TTC6: variants seen among roughly 807,000 people sequenced by gnomAD.
TTC6 encodes the protein tetratricopeptide repeat protein 6.
Under a neutral mutation model 210.4 loss-of-function variants are expected in TTC6, and 172 were observed. That is an observed-to-expected ratio of 0.82 (90% CI 0.72 to 0.93). TTC6 has a LOEUF of 0.93. TTC6 is among the 40% of genes least tolerant of loss of function. The probability of loss-of-function intolerance (pLI) is 0.00; values close to 1 mark genes in which losing one functional copy is unlikely to be tolerated. For synonymous variants in TTC6, 804 were observed against 819.6 expected (o/e 0.98, Z 0.32); for missense variants, 2,414 against 2,318.1 (o/e 1.04, Z -0.85).
At chr14:37,734,181 C>T (rs1006222490) in intron 7 of TTC6, among the ~76,000 whole-genome samples, 5 of 152,078 alleles carry the variant, frequency 3.3e-5, no homozygotes, top group Admixed American at 6.6e-5. Context: ...AAAGTTGAGG[C>T]GTGAGTTTCT....
chr14:37,750,108 A>G (rs1170932308), intron 12 of TTC6, among the ~76,000 whole-genome samples: 2 of 152,200 alleles, frequency 1.3e-5, no homozygotes, highest in East Asian at 3.9e-4. Context: ...ACGAAAGAAT[A>G]TGAATTTAAA....
chr14:37,602,256 T>C (rs892961478), intron 1 of TTC6, among the ~76,000 whole-genome samples: 1 of 152,258 alleles, frequency 6.6e-6, no homozygotes, highest in Non-Finnish European at 1.5e-5. Flanking sequence ...TAATTGCCTC[T>C]CTGTCTTATA....
chr14:37,726,765 T>A (rs923745893), intron 7 of TTC6, among the ~76,000 whole-genome samples: 8 of 152,154 alleles, frequency 5.3e-5, no homozygotes, highest in Non-Finnish European at 8.8e-5. Context: ...TCTTTTCTAA[T>A]TCTTAGCTTA....
intron 26 of TTC6, among the ~76,000 whole-genome samples, chr14:37,818,034 AT>A (rs1353684042): frequency 6.6e-6 from 1 of 152,226 alleles, no homozygotes; most frequent in Non-Finnish European, 1.5e-5. Context: ...AAGTGGGACT[AT>A]TATAAAGTCT....
intron 3 of TTC6, among the ~76,000 whole-genome samples, chr14:37,685,134 A>G (rs953531745): frequency 6.6e-6 from 1 of 152,214 alleles, no homozygotes; most frequent in Non-Finnish European, 1.5e-5. Context: ...AAAGCCAATA[A>G]TAGGATGGTT....
At chr14:37,691,530 G>A (rs1030357254) in intron 3 of TTC6, among the ~76,000 whole-genome samples, 3 of 152,012 alleles carry the variant, frequency 2.0e-5, no homozygotes, top group African/African-American at 7.3e-5. Context: ...CAAAACCTGT[G>A]GATGCAACAA....
intron 23 of TTC6, among the ~76,000 whole-genome samples, chr14:37,807,922 G>A (rs1261375846): frequency 6.6e-6 from 1 of 151,900 alleles, no homozygotes; most frequent in Admixed American, 6.6e-5. Context: ...ATATTTTGCT[G>A]ACTGCATAAT....
intron 2 of TTC6, among the ~76,000 whole-genome samples, chr14:37,613,992 T>A (rs1341789206): frequency 1.3e-5 from 2 of 152,018 alleles, no homozygotes; most frequent in African/African-American, 4.8e-5. Context: ...CTTCCATTAG[T>A]TTGAGTATGC....
upstream of TTC6, among the ~76,000 whole-genome samples, chr14:37,619,665 A>T (rs2095648229): frequency 6.6e-6 from 1 of 151,232 alleles, no homozygotes; most frequent in Non-Finnish European, 1.5e-5. Flanking sequence ...CCTTTTTCTC[A>T]CTTTCTCAGT....
rs79923283 is a variant in TTC6 at position 37,817,939 on chromosome 14, G to C, written c.4763+288G>C. ...GAGTTCACCTGATCCAAGCATAGGT[G>C]CTGGGAAAGGATCGTGGCAATATGT... On this transcript the variant is annotated intron_variant, in intron 26 of 30. Transcript: ENST00000553443. Among the ~76,000 whole-genome samples the C allele has an allele frequency of 5.5e-3, 833 of 152,264 alleles. 6 individuals are homozygous for C. Among genetic ancestry groups the C allele is most frequent in the African/African-American group, 0.019 (799 of 41,556 alleles).
rs1400350716 is a variant in TTC6 at position 37,701,433 on chromosome 14, A to G, written c.1478A>G (p.His493Arg). Residue 493 changes from histidine to arginine, a missense_variant, in exon 5 of 31, where the codon CAC (histidine) becomes CGC (arginine). Physicochemically the swap from His to Arg is conservative, Grantham distance 29. Coordinates refer to ENST00000553443, the Ensembl canonical transcript of TTC6. ...TTGCGCCTGGCTTCTCGAGTGTATCACACTGCTAACAGGAAAGGCCACGAT... is the reference window on the plus strand; with the variant it reads ...TTGCGCCTGGCTTCTCGAGTGTATCGCACTGCTAACAGGAAAGGCCACGAT... 2.0e-6 allele frequency: 3 copies of G among 1,533,674 alleles called. 1 individual carries two copies. Among genetic ancestry groups the G allele is most frequent in the Non-Finnish European group, 2.6e-6 (3 of 1,146,010 alleles).
chr14:37,841,706 T>C (rs1172940917), intron 30 of TTC6, 36 bp downstream of exon 32: 2 of 1,477,712 alleles, frequency 1.4e-6, no homozygotes, highest in East Asian at 2.3e-5. Context: ...AAGATTACAG[T>C]GGTTGAAGTG....
intron 26 of TTC6, among the ~76,000 whole-genome samples, chr14:37,818,020 C>A (rs2096146364): frequency 6.6e-6 from 1 of 152,012 alleles, no homozygotes; most frequent in Non-Finnish European, 1.5e-5. Context: ...TTATTTTGTT[C>A]ATAAAGTGGG....
At chr14:37,704,728 A>AT (rs1170859391) in intron 5 of TTC6, among the ~76,000 whole-genome samples, 3 of 151,430 alleles carry the variant, frequency 2.0e-5, no homozygotes, top group Non-Finnish European at 2.9e-5. Flanking sequence ...TAATGTAGCA[A>AT]TTTTTTTTGT....
At chr14:37,608,664 A>C (rs1260135862) in intron 2 of TTC6, among the ~76,000 whole-genome samples, 3 of 152,210 alleles carry the variant, frequency 2.0e-5, no homozygotes, top group Non-Finnish European at 4.4e-5. Flanking sequence ...TTTGTGCGCA[A>C]TATGAAGTAA....
intron 1 of TTC6, among the ~76,000 whole-genome samples, chr14:37,603,909 A>G (rs946924237): frequency 3.9e-5 from 6 of 152,284 alleles, no homozygotes; most frequent in Admixed American, 3.9e-4. Context: ...CCTGAGCCTC[A>G]GTTTTCCCAA....
At chr14:37,723,787 G>A (rs1447622610) in intron 6 of TTC6, among the ~76,000 whole-genome samples, 1 of 152,148 alleles carries the variant, frequency 6.6e-6, no homozygotes, top group Admixed American at 6.5e-5. Context: ...AATACAGTTA[G>A]ATTGTTTTAT....
upstream of TTC6, among the ~76,000 whole-genome samples, chr14:37,619,281 T>G (rs970362070): frequency 6.6e-6 from 1 of 152,140 alleles, no homozygotes; most frequent in Non-Finnish European, 1.5e-5. Context: ...TTCCCAGATA[T>G]GATGAGCTCT....
intron 1 of TTC6, among the ~76,000 whole-genome samples, chr14:37,644,260 G>A (rs1431593749): frequency 6.6e-6 from 1 of 152,092 alleles, no homozygotes; most frequent in Non-Finnish European, 1.5e-5. Flanking sequence ...TGTAAAAAAA[G>A]GTCTTATAAA....
Sources: allele counts gnomAD v4.1 joint callset (sites outside exome capture counted in the v4.1 genomes callset), GRCh38; gene constraint gnomAD v4.1.1; transcripts MANE v1.5; gene names NCBI Gene and HGNC (gene_info 2026-07-23, HGNC 2026-07-21).